NRG4: variants seen among roughly 807,000 people sequenced by gnomAD.
NRG4 encodes neuregulin 4, also known as pro-neuregulin-4, membrane-bound isoform.
Under a neutral mutation model 15.0 loss-of-function variants are expected in NRG4, and 10 were observed. The ratio of observed to expected loss-of-function variants is 0.67; its 90% CI spans 0.41 to 1.13. The LOEUF is 1.13. Among genes scored for constraint, NRG4 ranks in the 50% most tolerant of loss-of-function variants. NRG4 has a pLI of 0.00. For synonymous variants in NRG4, 41 were observed against 50.1 expected (o/e 0.82, Z 0.77); for missense variants, 139 against 140.2 (o/e 0.99, Z 0.04).
intron 3 of NRG4, among the ~76,000 whole-genome samples, chr15:75,979,371 G>A (rs1360056866): frequency 2.6e-5 from 4 of 152,100 alleles, no homozygotes; most frequent in Non-Finnish European, 4.4e-5. Context: ...CCAATCCATT[G>A]GGTGGATTTT....
chr15:76,016,311 G>T (rs1288141545), upstream of NRG4, among the ~76,000 whole-genome samples: 1 of 151,890 alleles, frequency 6.6e-6, no homozygotes, highest in Non-Finnish European at 1.5e-5. Flanking sequence ...TTGATTTTTT[G>T]AAGTGTTTTT....
At chr15:75,999,467 A>G in intron 3 of NRG4, among the ~76,000 whole-genome samples, 1 of 152,188 alleles carries the variant, frequency 6.6e-6, no homozygotes, top group East Asian at 1.9e-4. Context: ...GTGAGGACAT[A>G]GTGTTCGGCC....
intron 5 of NRG4, among the ~76,000 whole-genome samples, chr15:75,947,882 T>C (rs939146458): frequency 6.6e-6 from 1 of 152,228 alleles, no homozygotes; most frequent in African/African-American, 2.4e-5. Flanking sequence ...ATTGTGGTTT[T>C]GATCTGCATT....
intron 5 of NRG4, among the ~76,000 whole-genome samples, chr15:75,954,721 G>A (rs984868851): frequency 6.6e-6 from 1 of 151,892 alleles, no homozygotes. Context: ...CACCATGCCC[G>A]GCTTTCAGTT....
chr15:76,010,051 C>T (rs1271735561), intron 2 of NRG4, among the ~76,000 whole-genome samples: 1 of 151,964 alleles, frequency 6.6e-6, no homozygotes, highest in Non-Finnish European at 1.5e-5. Flanking sequence ...CTTTCTCTCT[C>T]TGCCTTCCCT....
intron 3 of NRG4, among the ~76,000 whole-genome samples, chr15:75,967,488 T>C (rs1256559391): frequency 9.4e-6 from 1 of 106,072 alleles, no homozygotes; most frequent in East Asian, 3.0e-4. Flanking sequence ...TGAGATGGAG[T>C]CTTGCTTTTG....
intron 3 of NRG4, among the ~76,000 whole-genome samples, chr15:75,966,785 A>G (rs2032814669): frequency 6.6e-6 from 1 of 152,144 alleles, no homozygotes; most frequent in Non-Finnish European, 1.5e-5. Context: ...AAATGAAACT[A>G]TTAGAAATGT....
At chr15:76,033,657 T>C (rs996440868) in intron 5 of NRG4, among the ~76,000 whole-genome samples, 1 of 152,234 alleles carries the variant, frequency 6.6e-6, no homozygotes, top group African/African-American at 2.4e-5. Flanking sequence ...ATGTCATCAA[T>C]ATTTTCAGTA....
chr15:76,054,838 T>TA (rs2036115358), intron 2 of NRG4, among the ~76,000 whole-genome samples: 2 of 152,100 alleles, frequency 1.3e-5, no homozygotes, highest in Non-Finnish European at 2.9e-5. Flanking sequence ...TTTCAAAAAA[T>TA]AAAAAACACA....
chr15:75,981,700 A>G (rs111697223), intron 3 of NRG4, among the ~76,000 whole-genome samples: 2 of 152,250 alleles, frequency 1.3e-5, no homozygotes, highest in African/African-American at 4.8e-5. Context: ...CAGCCCAAAT[A>G]CCTGTCAAAT....
upstream of NRG4, among the ~76,000 whole-genome samples, chr15:76,015,463 A>G (rs185455766): frequency 1.7e-3 from 261 of 152,294 alleles, no homozygotes; most frequent in Non-Finnish European, 3.1e-3. Flanking sequence ...ATTCAGTATG[A>G]TATTGGCTGT....
intron 5 of NRG4, among the ~76,000 whole-genome samples, chr15:76,025,243 T>G (rs1231843842): frequency 1.3e-5 from 2 of 151,662 alleles, no homozygotes; most frequent in Non-Finnish European, 2.9e-5. Flanking sequence ...ATCGAGACCA[T>G]CCTGGCTAAC....
At chr15:76,041,190 A>C (rs1015371355) in intron 4 of NRG4, among the ~76,000 whole-genome samples, 6 of 152,160 alleles carry the variant, frequency 3.9e-5, no homozygotes, top group African/African-American at 1.4e-4. Context: ...AAGAAATTAA[A>C]TTATACCACC....
At chr15:76,036,091 G>GTTTA (rs1161296234) in intron 4 of NRG4, 1 of 152,108 alleles carries the variant, frequency 6.6e-6, no homozygotes, top group Non-Finnish European at 1.5e-5. Context: ...TACATATTAG[G>GTTTA]TTTATAAGGT....
intron 5 of NRG4, among the ~76,000 whole-genome samples, chr15:76,027,790 A>C (rs772062105): frequency 1.3e-5 from 2 of 152,134 alleles, no homozygotes; most frequent in Non-Finnish European, 2.9e-5. Context: ...GACACAAAAC[A>C]AGTCTCAAAT....
intron 5 of NRG4, among the ~76,000 whole-genome samples, chr15:76,025,414 G>A (rs2035285379): frequency 1.3e-5 from 2 of 152,096 alleles, no homozygotes; most frequent in African/African-American, 2.4e-5. Context: ...ATTCCAGCCT[G>A]GGTGACAGAG....
intron 3 of NRG4, among the ~76,000 whole-genome samples, chr15:75,972,157 T>A (rs896427835): frequency 2.0e-5 from 3 of 152,230 alleles, no homozygotes; most frequent in Admixed American, 2.0e-4. Context: ...GTTGGCCACA[T>A]AAATGTCTTA....
At chr15:75,994,618 C>T (rs898424149) in intron 3 of NRG4, among the ~76,000 whole-genome samples, 32 of 152,274 alleles carry the variant, frequency 2.1e-4, no homozygotes, top group Middle Eastern at 3.4e-3. Context: ...TCCAGCTGTA[C>T]ACAAAGCAAG....
At chr15:76,023,362 C>T (rs962781604) in intron 5 of NRG4, among the ~76,000 whole-genome samples, 1 of 152,088 alleles carries the variant, frequency 6.6e-6, no homozygotes, top group African/African-American at 2.4e-5. Flanking sequence ...TCTGCCATGC[C>T]TGGATCAGAT....
Sources: gnomAD v4.1 joint callset for allele counts (sites outside exome capture counted in the v4.1 genomes callset) on GRCh38, gnomAD v4.1.1 for gene constraint, MANE v1.5 for transcripts, NCBI Gene and HGNC (gene_info 2026-07-23, HGNC 2026-07-21) for gene names.